BZW2: variants seen among roughly 807,000 people sequenced by gnomAD.
BZW2 encodes basic leucine zipper and W2 domains 2.
BZW2 carries 23 observed loss-of-function variants against 53.2 expected under a neutral mutation model. The observed-to-expected ratio is 0.43, with a 90% CI of 0.31 to 0.61. The LOEUF is 0.61. Among genes scored for constraint, BZW2 ranks in the 20% least tolerant of loss-of-function variants. BZW2 has a pLI of 0.09. For synonymous variants in BZW2, 227 were observed against 186.4 expected, an observed-to-expected ratio of 1.22 and a Z score of -1.77; for missense variants, 409 against 503.1, an observed-to-expected ratio of 0.81 and a Z score of 1.79.
At chr7:16,676,303 C>A (rs896666841) in intron 3 of BZW2, among the ~76,000 whole-genome samples, 2 of 152,144 alleles carry the variant, frequency 1.3e-5, no homozygotes, top group Non-Finnish European at 2.9e-5. Context: ...AATCCCAGCA[C>A]TTTGGGAAGC....
chr7:16,691,617 G>C (rs1288695021), intron 7 of BZW2, among the ~76,000 whole-genome samples: 1 of 152,182 alleles, frequency 6.6e-6, no homozygotes, highest in Non-Finnish European at 1.5e-5. Context: ...GCAATAGATT[G>C]GGAAAATCCA....
intron 8 of BZW2, 97 bp downstream of exon 8, chr7:16,695,101 G>A: frequency 8.6e-7 from 1 of 1,160,408 alleles, no homozygotes; most frequent in South Asian, 2.9e-5. Flanking sequence ...TCTGTCCTAT[G>A]CTTATTGCTG....
At chr7:16,656,702 T>C (rs969147910) in intron 1 of BZW2, among the ~76,000 whole-genome samples, 1 of 152,204 alleles carries the variant, frequency 6.6e-6, no homozygotes, top group African/African-American at 2.4e-5. Flanking sequence ...TGTTTATTAG[T>C]TGACATTCTA....
At chr7:16,687,790 C>T (rs1783172830) in intron 6 of BZW2, among the ~76,000 whole-genome samples, 1 of 151,916 alleles carries the variant, frequency 6.6e-6, no homozygotes, top group Non-Finnish European at 1.5e-5. Flanking sequence ...AATAAATGAC[C>T]AAGGGAGATG....
intron 5 of BZW2, among the ~76,000 whole-genome samples, chr7:16,684,870 A>G (rs1355611927): frequency 1.3e-5 from 2 of 152,228 alleles, no homozygotes; most frequent in African/African-American, 4.8e-5. Context: ...TAATATAATA[A>G]TCCTTCAATT....
intron 7 of BZW2, among the ~76,000 whole-genome samples, chr7:16,694,387 T>C (rs1473524157): frequency 6.6e-6 from 1 of 152,136 alleles, no homozygotes; most frequent in Non-Finnish European, 1.5e-5. Context: ...TTCTTGCTGG[T>C]GGGGACTCTG....
intron 7 of BZW2, among the ~76,000 whole-genome samples, chr7:16,691,561 C>T (rs141961110): frequency 2.6e-5 from 4 of 152,308 alleles, no homozygotes; most frequent in Non-Finnish European, 5.9e-5. Flanking sequence ...CTGAACTGAA[C>T]GTCTCAAGTA....
At chr7:16,705,677 TC>T (rs1240130457) in intron 11 of BZW2, among the ~76,000 whole-genome samples, 1 of 124,970 alleles carries the variant, frequency 8.0e-6, no homozygotes, top group African/African-American at 3.2e-5. Context: ...AGAGTGAGAC[TC>T]CATCTCAAAA....
intron 1 of BZW2, among the ~76,000 whole-genome samples, chr7:16,657,261 C>T (rs768707654): frequency 2.6e-5 from 4 of 152,002 alleles, no homozygotes; most frequent in African/African-American, 7.3e-5. Context: ...TGCCTTGAAC[C>T]CACTACTCAT....
Position 16,695,016 on chromosome 7 carries a change from C to G in BZW2, c.822+12C>G, listed in dbSNP as rs371982632. 2 of 1,558,358 alleles carry G rather than the reference C, an allele frequency of 1.3e-6. No homozygotes were observed. The highest frequency in any genetic ancestry group is 1.8e-6 in the Non-Finnish European group (2 of 1,139,788). The stretch of plus-strand genomic sequence containing the variant: ...GCCCGATCAAGGAGGTGGGAGACCA[C>G]GGGCAGACATCACCTCAATACACAT... On this transcript the variant is annotated intron_variant, in intron 8 of 11. Transcript: ENST00000258761.
intron 8 of BZW2, chr7:16,695,852 A>T (rs1458090174): frequency 6.6e-6 from 1 of 152,200 alleles, no homozygotes; most frequent in African/African-American, 2.4e-5. Context: ...AATGACAAAT[A>T]TTCTTAAGTC....
intron 7 of BZW2, among the ~76,000 whole-genome samples, chr7:16,693,480 C>T (rs1214540843): frequency 1.3e-5 from 2 of 152,130 alleles, no homozygotes; most frequent in Non-Finnish European, 2.9e-5. Flanking sequence ...TGAATGCTAG[C>T]ACAGAGTAAT....
intron 6 of BZW2, chr7:16,686,326 C>T (rs1218586868): frequency 3.1e-6 from 1 of 317,544 alleles, no homozygotes; most frequent in South Asian, 3.7e-5. Flanking sequence ...AGGTCAAATA[C>T]CCCGAAATCG....
At chr7:16,690,972 G>A (rs551471640) in intron 7 of BZW2, among the ~76,000 whole-genome samples, 4 of 152,154 alleles carry the variant, frequency 2.6e-5, no homozygotes, top group African/African-American at 9.7e-5. Flanking sequence ...ATGTGTTTCA[G>A]TGTGCAAGGG....
At chr7:16,649,086 C>A (rs1009982845) in intron 1 of BZW2, among the ~76,000 whole-genome samples, 1 of 152,114 alleles carries the variant, frequency 6.6e-6, no homozygotes, top group Non-Finnish European at 1.5e-5. Context: ...CCCTCTTTTA[C>A]CGCCCCCCTA....
intron 7 of BZW2, among the ~76,000 whole-genome samples, chr7:16,692,442 G>A (rs190979980): frequency 5.3e-5 from 8 of 152,112 alleles, no homozygotes; most frequent in Admixed American, 2.6e-4. Context: ...ACTAAAAACC[G>A]TAAAATATGT....
intron 2 of BZW2, among the ~76,000 whole-genome samples, chr7:16,666,000 T>G (rs1782412243): frequency 6.6e-6 from 1 of 152,242 alleles, no homozygotes; most frequent in Non-Finnish European, 1.5e-5. Context: ...AGAGTAGTTA[T>G]AGACCCATTT....
rs1216072665 is a variant in BZW2, at chr7:16,674,536, T to C, written c.183T>C (p.Tyr61=). 1.2e-6 allele frequency: 2 copies of C among 1,612,348 alleles called. No homozygotes were observed. The highest frequency in any genetic ancestry group is 1.7e-6 in the Non-Finnish European group (2 of 1,178,860). Residue 61 remains tyrosine (Y), a synonymous_variant, in exon 3 of 12, where the codon TAT becomes TAC. Coordinates refer to ENST00000258761, the MANE Select transcript of BZW2 (RefSeq NM_014038.3). ...ACTCTACAGGCTCAAGATTAGATTA[T>C]CGTCGCTATGCAGACACACTCTTCG... ...FLDSTGSRLD[Y]RRYADTLFDI...
At chr7:16,701,029 T>C (rs1380265157) in intron 10 of BZW2, among the ~76,000 whole-genome samples, 1 of 152,204 alleles carries the variant, frequency 6.6e-6, no homozygotes, top group African/African-American at 2.4e-5. Context: ...TTGGCAAATC[T>C]AATTACTTAA....
Sources: allele counts gnomAD v4.1 joint callset (sites outside exome capture counted in the v4.1 genomes callset), GRCh38; gene constraint gnomAD v4.1.1; transcripts MANE v1.5; gene names NCBI Gene and HGNC (gene_info 2026-07-23, HGNC 2026-07-21).